MEGF6: variants seen among roughly 807,000 people sequenced by gnomAD.
The protein encoded by MEGF6 is multiple epidermal growth factor-like domains protein 6.
In MEGF6, 184 loss-of-function variants were observed where a neutral mutation model predicts 207.1. That is an observed-to-expected ratio of 0.89 (90% confidence interval 0.79 to 1.00). The LOEUF is 1.00. Ranked by LOEUF, MEGF6 falls within the 50% of genes least tolerant of loss-of-function variation. MEGF6 has a pLI of 0.00. For synonymous variants in MEGF6, 1,038 were observed against 910.0 expected, an observed-to-expected ratio of 1.14 and a Z score of -2.53; for missense variants, 2,282 against 2,202.9, an observed-to-expected ratio of 1.04 and a Z score of -0.72.
chr1:3,535,671 A>G (rs530246468), intron 4 of MEGF6, among the ~76,000 whole-genome samples: 13 of 140,172 alleles, frequency 9.3e-5, no homozygotes, highest in African/African-American at 3.4e-4. Context: ...GGGGCCCCCC[A>G]GCGGCCCTGG....
chr1:3,590,658 C>T (rs776898670), intron 3 of MEGF6, among the ~76,000 whole-genome samples: 23 of 152,166 alleles, frequency 1.5e-4, no homozygotes, highest in Non-Finnish European at 2.4e-4. Context: ...CCAGGTCACA[C>T]GGAAGCAAGG....
In MEGF6 at chr1:3,488,323, C is replaced by T. The variant is rs559121078; in HGVS notation, c.*2205G>A. Among the ~76,000 whole-genome samples the T allele has an allele frequency of 1.3e-5, 2 of 152,322 alleles. No homozygotes were observed. The highest frequency in any genetic ancestry group is 4.1e-4 in the South Asian group (2 of 4,826). On this transcript the variant is annotated 3_prime_UTR_variant, in exon 37 of 37. Transcript: ENST00000356575. ...GCCTTATGGCTTCCGTAGCTGAACA[C>T]TGTGTCTTCACTGAGCGGGATGAGT...
Position 3,496,745 on chromosome 1 carries a change from G to A in MEGF6, c.3652C>T (p.Leu1218=), listed in dbSNP as rs1364582001. The A allele has an allele frequency of 2.1e-5, 32 of 1,559,918 alleles. No individual in the cohort carries two copies. Among genetic ancestry groups the A allele is most frequent in the Non-Finnish European group, 2.6e-5 (30 of 1,152,424 alleles). Reference sequence around the variant, plus strand: ...GAGCCCCCGTTGAGACACCCACACAGCTGTTCACAGCCTGGCCCATACCGC... The same window carrying A: ...GAGCCCCCGTTGAGACACCCACACAACTGTTCACAGCCTGGCCCATACCGC... ...PGRYGPGCEQ[L]CGCLNGGSCD... is the part of the protein sequence containing the mutation. Residue 1218 remains leucine (L), a synonymous_variant, in exon 29 of 37, where the codon CTG becomes TTG. Coordinates refer to ENST00000356575, the MANE Select transcript of MEGF6 (RefSeq NM_001409.4).
chr1:3,609,016 C>T (rs961172477), intron 1 of MEGF6, among the ~76,000 whole-genome samples: 1 of 152,212 alleles, frequency 6.6e-6, no homozygotes, highest in African/African-American at 2.4e-5. Context: ...TTGGCAGTAA[C>T]GCTTCAACTC....
At chr1:3,603,400 G>A (rs1223567980) in intron 1 of MEGF6, among the ~76,000 whole-genome samples, 2 of 152,104 alleles carry the variant, frequency 1.3e-5, no homozygotes, top group East Asian at 3.9e-4. Context: ...TGACCGAGGG[G>A]TGAGGCGGGC....
At chr1:3,492,276 G>A (rs895121569) in intron 35 of MEGF6, among the ~76,000 whole-genome samples, 13 of 152,122 alleles carry the variant, frequency 8.5e-5, no homozygotes, top group African/African-American at 1.9e-4. Flanking sequence ...GATGGCCAGC[G>A]TCCATCCACA....
intron 8 of MEGF6, 140 bp from the exon 9 acceptor site, chr1:3,511,827 C>G (rs1557736163): frequency 6.9e-7 from 1 of 1,448,356 alleles, no homozygotes; most frequent in African/African-American, 1.4e-5. Flanking sequence ...AGCTCCCAGG[C>G]CTTGTTGGGT....
intron 4 of MEGF6, among the ~76,000 whole-genome samples, chr1:3,564,937 G>A (rs888784761): frequency 1.3e-5 from 2 of 152,036 alleles, no homozygotes; most frequent in Admixed American, 6.5e-5. Context: ...CCATGGCCCC[G>A]CTCCAGCCGA....
rs532165974 is a variant in MEGF6, at chr1:3,492,707, G to C, written c.4448C>G (p.Ala1483Gly). The C allele has an allele frequency of 6.2e-7, 1 of 1,612,620 alleles. No homozygotes were observed. Among genetic ancestry groups the C allele is most frequent in the South Asian group, 1.1e-5 (1 of 91,076 alleles). The change falls in exon 35 of 37, where the codon GCT (alanine) becomes GGT (glycine). Residue 1483 changes from alanine (A) to glycine (G), a missense_variant. Transcript: ENST00000356575. ...CTLHCDCGGG[A>G]DCDPVSGQCH... ...CTGCCCACTGACAGGGTCGCAGTCA[G>C]CCCCACCCCCGCAGTCACAGTGCAG...
At chr1:3,511,231 G>C (rs1641334386) in intron 9 of MEGF6, among the ~76,000 whole-genome samples, 1 of 152,230 alleles carries the variant, frequency 6.6e-6, no homozygotes, top group Non-Finnish European at 1.5e-5. Flanking sequence ...TGGGAGTCAG[G>C]GTCTGGGGTG....
intron 3 of MEGF6, among the ~76,000 whole-genome samples, chr1:3,582,123 C>T (rs576070926): frequency 6.6e-6 from 1 of 152,330 alleles, no homozygotes; most frequent in East Asian, 1.9e-4. Flanking sequence ...CAGCAGGACA[C>T]CAGGCCCGGG....
chr1:3,517,083 C>T (rs749918175), intron 5 of MEGF6, among the ~76,000 whole-genome samples: 6 of 152,250 alleles, frequency 3.9e-5, no homozygotes, highest in East Asian at 1.9e-4. Flanking sequence ...TGGCCTGCGC[C>T]GGCCCCGCCT....
Position 3,570,799 on chromosome 1 carries a change from C to T in MEGF6, c.481+9026G>A, listed in dbSNP as rs566309482. Among the ~76,000 whole-genome samples the T allele has an allele frequency of 3.7e-3, 562 of 152,336 alleles. 6 individuals are homozygous for T. The highest frequency in any genetic ancestry group is 0.012 in the African/African-American group (515 of 41,578). On this transcript the variant is annotated intron_variant, in intron 4 of 36. Coordinates refer to ENST00000356575, the MANE Select transcript of MEGF6 (RefSeq NM_001409.4). ...CATCCTGCCCCCTCCACCGCCCAGC[C>T]TGGTACCAGGCACAGAGCCTGCTCA...
chr1:3,593,408 C>G (rs1312900528), intron 3 of MEGF6, among the ~76,000 whole-genome samples: 1 of 151,946 alleles, frequency 6.6e-6, no homozygotes, highest in Admixed American at 6.5e-5. Context: ...CCTGCAGTTG[C>G]CTTCCCCGCC....
At chr1:3,569,111 A>C (rs1643427843) in intron 4 of MEGF6, among the ~76,000 whole-genome samples, 2 of 152,128 alleles carry the variant, frequency 1.3e-5, no homozygotes, top group African/African-American at 4.8e-5. Flanking sequence ...AGCCGACTCC[A>C]TCCGCCATAG....
intron 4 of MEGF6, among the ~76,000 whole-genome samples, chr1:3,533,284 T>C (rs1238823906): frequency 6.6e-6 from 1 of 152,126 alleles, no homozygotes; most frequent in Non-Finnish European, 1.5e-5. Flanking sequence ...CCCAACACTC[T>C]GCAGAAATGG....
chr1:3,505,578 G>C (rs572084363), intron 15 of MEGF6, 22 bp from the exon 16 acceptor site: 25 of 1,542,502 alleles, frequency 1.6e-5, no homozygotes, highest in Non-Finnish European at 2.0e-5. Context: ...GAACCGTTGA[G>C]GGGGGCTCCC....
intron 4 of MEGF6, among the ~76,000 whole-genome samples, chr1:3,534,624 G>A (rs74050570): frequency 0.014 from 2,134 of 152,260 alleles, 51 homozygotes; most frequent in African/African-American, 0.048. Context: ...GCCCCTTCCC[G>A]GCCCTTTGCT....
At position 3,499,809 on chromosome 1, in the gene MEGF6, G is replaced by T. The variant is rs1328260257; in HGVS notation, c.2823C>A (p.Thr941=). The T allele has an allele frequency of 1.9e-6, 3 of 1,557,350 alleles. No individual in the cohort carries two copies. Among genetic ancestry groups the T allele is most frequent in the Non-Finnish European group, 2.6e-6 (3 of 1,151,308 alleles). The part of the protein sequence containing the change: ...ACTCPAGWRG[T]FCEHACPAGF... ...GCCGTAGCTCACCATGCTCGCAGAA[G>T]GTGCCCCTCCAGCCGGCCGGGCAGG... is the stretch of plus-strand genomic sequence containing the variant. Residue 941 remains threonine (T), a synonymous_variant, in exon 22 of 37, where the codon ACC becomes ACA. Coordinates refer to ENST00000356575, the MANE Select transcript of MEGF6 (RefSeq NM_001409.4).
Sources: gnomAD v4.1 joint callset for allele counts (sites outside exome capture counted in the v4.1 genomes callset) on GRCh38, gnomAD v4.1.1 for gene constraint, MANE v1.5 for transcripts, NCBI Gene and HGNC (gene_info 2026-07-23, HGNC 2026-07-21) for gene names.